The following ZDHHC15 variants were observed in gnomAD, a reference collection of about 807,000 sequenced individuals.
The protein encoded by ZDHHC15 is palmitoyltransferase ZDHHC15.
Under a neutral mutation model 31.7 loss-of-function variants are expected in ZDHHC15, and 19 were observed. The ratio of observed to expected loss-of-function variants is 0.60; its 90% CI spans 0.42 to 0.88. The LOEUF (loss-of-function observed/expected upper bound fraction) is 0.88, where lower values mean the gene tolerates loss of function less well. ZDHHC15 is among the 40% of genes least tolerant of loss of function. The pLI is 0.00. For synonymous variants in ZDHHC15, 103 were observed against 90.0 expected, an observed-to-expected ratio of 1.14 and a Z score of -0.82; for missense variants, 209 against 251.2, an observed-to-expected ratio of 0.83 and a Z score of 1.14.
chrX:75,371,553 T>C lies in ZDHHC15; in HGVS notation c.*1425A>G, dbSNP rs185367787. 9.0e-6 allele frequency: 1 copy of C among 111,726 alleles called. No individual in the cohort carries two copies. The highest frequency in any genetic ancestry group is 2.8e-4 in the East Asian group (1 of 3,533). The allele number at this position is 111,726 out of a possible 1,213,427, so 9.2% of individuals were successfully genotyped here. ...GCTCCACTGGAACCCCAACACTAAA[T>C]TGTGGCAGGCAACTCTTTTTTACTC... On this transcript the variant is annotated 3_prime_UTR_variant, in exon 12 of 12. Coordinates refer to ENST00000373367, the MANE Select transcript of ZDHHC15 (RefSeq NM_144969.3).
At chrX:75,379,501 TG>T (rs1275986270) in intron 10 of ZDHHC15, among the ~76,000 whole-genome samples, 1 of 112,341 alleles carries the variant, frequency 8.9e-6, no homozygotes, top group Non-Finnish European at 1.9e-5. Context: ...TGGAATGTTT[TG>T]CATCTTGCTA....
intron 4 of ZDHHC15, 112 bp downstream of exon 4, chrX:75,450,690 T>C: frequency 1.7e-6 from 2 of 1,197,609 alleles, no homozygotes; most frequent in Non-Finnish European, 2.3e-6. Context: ...ATCTCCATAG[T>C]GGTTTTCAGA....
chrX:75,496,274 G>A (rs1162061782), intron 2 of ZDHHC15, among the ~76,000 whole-genome samples: 1 of 111,691 alleles, frequency 9.0e-6, no homozygotes, highest in African/African-American at 3.2e-5. Flanking sequence ...ATTATATAAT[G>A]ATGAAAAATT....
At chrX:75,506,895 GA>G (rs1279103488) in intron 1 of ZDHHC15, among the ~76,000 whole-genome samples, 1 of 111,864 alleles carries the variant, frequency 8.9e-6, no homozygotes, top group Non-Finnish European at 1.9e-5. Context: ...ATCCCTGGCT[GA>G]ATACTTGCAG....
At chrX:75,468,265 G>A (rs760673389) in intron 3 of ZDHHC15, among the ~76,000 whole-genome samples, 3 of 110,398 alleles carry the variant, frequency 2.7e-5, no homozygotes, top group Non-Finnish European at 5.7e-5. Flanking sequence ...GGCTAGTCTC[G>A]AACTCCCGAC....
chrX:75,406,466 AAG>A (rs2083412269), intron 10 of ZDHHC15, among the ~76,000 whole-genome samples: 1 of 111,423 alleles, frequency 9.0e-6, no homozygotes, highest in Non-Finnish European at 1.9e-5. Context: ...CCAAGGAAAA[AAG>A]AGAGAAGACC....
intron 11 of ZDHHC15, among the ~76,000 whole-genome samples, chrX:75,373,674 A>AT (rs2083024102): frequency 9.0e-6 from 1 of 110,778 alleles, no homozygotes; most frequent in East Asian, 2.8e-4. Context: ...ATTTATTTTT[A>AT]TTTTTAATTT....
At chrX:75,414,157 C>G (rs1235934720) in intron 10 of ZDHHC15, among the ~76,000 whole-genome samples, 1 of 111,629 alleles carries the variant, frequency 9.0e-6, no homozygotes, top group East Asian at 2.8e-4. Flanking sequence ...TAAAAAGATG[C>G]CTGTTAAATC....
At chrX:75,492,749 A>T (rs1386105650) in intron 2 of ZDHHC15, among the ~76,000 whole-genome samples, 1 of 111,971 alleles carries the variant, frequency 8.9e-6, no homozygotes, top group African/African-American at 3.3e-5. Context: ...CAAAGACACA[A>T]CATACCAGAA....
At chrX:75,382,652 C>T (rs2083127103) in intron 10 of ZDHHC15, among the ~76,000 whole-genome samples, 1 of 111,696 alleles carries the variant, frequency 9.0e-6, no homozygotes, top group Non-Finnish European at 1.9e-5. Flanking sequence ...AAATTTGGTT[C>T]TATAATGTGG....
rs35704680 is a variant in ZDHHC15 at position 75,373,926 on chromosome X, G to GTTTTTTTTTTTTTTTTTTTTTTTTTTTT, written c.*33-982_*33-981insAAAAAAAAAAAAAAAAAAAAAAAAAAAA. On this transcript the variant is annotated intron_variant, in intron 11 of 11. Coordinates refer to ENST00000373367, the MANE Select transcript of ZDHHC15 (RefSeq NM_144969.3). ...ATACTAGGTCTTATTCATTCTTTCT[G>GTTTTTTTTTTTTTTTTTTTTTTTTTTTT]TTTTTTTTTTTTTTTTTTTTTTGTA... Among the ~76,000 whole-genome samples, 22 of 50,459 alleles carry GTTTTTTTTTTTTTTTTTTTTTTTTTTTT rather than the reference G, an allele frequency of 4.4e-4. 1 individual carries two copies. The highest frequency in any genetic ancestry group is 6.8e-4 in the Admixed American group (2 of 2,958). 43.8% of individuals were successfully genotyped at this position (50,459 alleles called of 115,157 possible).
chrX:75,422,155 T>C (rs930160499), intron 8 of ZDHHC15, among the ~76,000 whole-genome samples, 165 bp from the exon 9 acceptor site: 1 of 112,321 alleles, frequency 8.9e-6, no homozygotes. Flanking sequence ...CTAAATTGCT[T>C]AGTAAAAACC....
chrX:75,478,840 A>T, intron 3 of ZDHHC15, 51 bp downstream of exon 3: 1 of 965,288 alleles, frequency 1.0e-6, no homozygotes, highest in Non-Finnish European at 1.5e-6. Context: ...CTTTATTGTC[A>T]CTTCTACTTT....
chrX:75,439,506 C>T, intron 4 of ZDHHC15, among the ~76,000 whole-genome samples: 1 of 111,404 alleles, frequency 9.0e-6, no homozygotes, highest in Non-Finnish European at 1.9e-5. Flanking sequence ...GTTTCATTTC[C>T]AGAAGCTGTG....
intron 3 of ZDHHC15, among the ~76,000 whole-genome samples, chrX:75,460,637 A>G (rs1428662697): frequency 4.5e-5 from 5 of 110,523 alleles, no homozygotes; most frequent in Non-Finnish European, 7.6e-5. Context: ...ACATCCAGGT[A>G]TGAAAAAAAA....
intron 1 of ZDHHC15, among the ~76,000 whole-genome samples, chrX:75,517,495 C>G (rs1174094353): frequency 4.8e-5 from 5 of 103,393 alleles, no homozygotes; most frequent in Non-Finnish European, 9.7e-5. Context: ...GGACAGAAAA[C>G]CAAACACTGC....
intron 2 of ZDHHC15, among the ~76,000 whole-genome samples, chrX:75,489,245 G>A (rs1193832936): frequency 8.9e-6 from 1 of 111,790 alleles, no homozygotes; most frequent in African/African-American, 3.3e-5. Flanking sequence ...AGAGAGTAGT[G>A]GTTCTCCCAG....
At chrX:75,490,846 C>G (rs1244638847) in intron 2 of ZDHHC15, among the ~76,000 whole-genome samples, 1 of 111,731 alleles carries the variant, frequency 9.0e-6, no homozygotes, top group African/African-American at 3.3e-5. Flanking sequence ...GATTTTGTAT[C>G]CTGAGGCTTT....
intron 7 of ZDHHC15, among the ~76,000 whole-genome samples, chrX:75,426,198 C>G: frequency 8.9e-6 from 1 of 111,987 alleles, no homozygotes; most frequent in East Asian, 2.8e-4. Flanking sequence ...CTTTCACAAT[C>G]TTTAGTTTTT....
Sources: allele counts gnomAD v4.1 joint callset (sites outside exome capture counted in the v4.1 genomes callset), GRCh38; gene constraint gnomAD v4.1.1; transcripts MANE v1.5; gene names NCBI Gene and HGNC (gene_info 2026-07-23, HGNC 2026-07-21).